Variants in APOC3 observed in about 807,000 individuals in gnomAD.
The protein encoded by APOC3 is apolipoprotein C3.
A neutral mutation model predicts 7.3 loss-of-function variants in APOC3; 6 were observed. That is an observed-to-expected ratio of 0.82 (90% confidence interval 0.45 to 1.61). APOC3 has a LOEUF of 1.61. APOC3 is among the 40% of genes most tolerant of loss of function. The probability of loss-of-function intolerance (pLI) is 0.01; values close to 1 mark genes in which losing one functional copy is unlikely to be tolerated. For missense variants in APOC3, 123 were observed against 124.9 expected (o/e 0.98, Z 0.07); for synonymous variants, 45 against 51.2 (o/e 0.88, Z 0.52).
Position 116,833,027 on chromosome 11 carries a change from C to A in APOC3, c.*143C>A. ...CCCCACCTCATGCCTGGCCCCCCTC[C>A]AGGCATGCTGGCCTCCCAATAAAGC... On this transcript the variant is annotated 3_prime_UTR_variant, in exon 4 of 4. Coordinates refer to ENST00000227667, the MANE Select transcript of APOC3 (RefSeq NM_000040.3). The A allele has an allele frequency of 8.4e-7, 1 of 1,188,378 alleles. No individual in the cohort carries two copies. Among genetic ancestry groups the A allele is most frequent in the Non-Finnish European group, 1.2e-6 (1 of 819,390 alleles). 73.6% of individuals were successfully genotyped at this position (1,188,378 alleles called of 1,614,324 possible). A position where few individuals can be genotyped will look rare whatever the true frequency, so the allele number is the denominator to read the frequency against.
intron 2 of APOC3, 65 bp downstream of exon 2, chr11:116,830,702 G>C (rs1565336134): frequency 1.2e-6 from 2 of 1,613,070 alleles, no homozygotes; most frequent in Non-Finnish European, 8.5e-7. Context: ...CAGTCCCAAT[G>C]GGTGGTCAAG....
chr11:116,832,697 T>C (rs1941475172), intron 3 of APOC3, 67 bp from the exon 4 acceptor site: 1 of 1,609,516 alleles, frequency 6.2e-7, no homozygotes, highest in South Asian at 1.1e-5. Flanking sequence ...GACATGGGTG[T>C]GGGTCCCATG....
chr11:116,831,851 T>C (rs1437583448), intron 3 of APOC3, among the ~76,000 whole-genome samples: 1 of 152,172 alleles, frequency 6.6e-6, no homozygotes, highest in Non-Finnish European at 1.5e-5. Context: ...CCCTGGCATG[T>C]GCAGTTCACA....
rs1941434777 is a variant in APOC3, at chr11:116,830,590, C to T, written c.8C>T (p.Pro3Leu). 1 of 1,614,004 alleles carries T rather than the reference C, an allele frequency of 6.2e-7. No homozygotes were observed. Among genetic ancestry groups the T allele is most frequent in the African/African-American group, 1.3e-5 (1 of 75,042 alleles). MQ[P>L]RVLLVVALLA... The stretch of plus-strand genomic sequence containing the variant: ...TGCAGGAACAGAGGTGCCATGCAGC[C>T]CCGGGTACTCCTTGTTGTTGCCCTC... Residue 3 changes from proline (P) to leucine (L), a missense_variant, in exon 2 of 4, where the codon CCC becomes CTC. Transcript: ENST00000227667.
At chr11:116,831,258 C>T (rs867901170) in intron 3 of APOC3, among the ~76,000 whole-genome samples, 715 of 48,722 alleles carry the variant, frequency 0.015, 27 homozygotes, top group African/African-American at 0.05. Context: ...TCTTTCTTTC[C>T]TTTCTTTCTT....
At position 116,833,026 on chromosome 11, in the gene APOC3, C is replaced by T; in HGVS notation, c.*142C>T. The T allele has an allele frequency of 8.4e-7, 1 of 1,196,482 alleles. No homozygotes were observed. The highest frequency in any genetic ancestry group is 1.5e-5 in the African/African-American group (1 of 66,484). The allele number at this position is 1,196,482 out of a possible 1,614,324, so 74.1% of individuals were successfully genotyped here. On this transcript the variant is annotated 3_prime_UTR_variant, in exon 4 of 4. Coordinates refer to ENST00000227667, the MANE Select transcript of APOC3 (RefSeq NM_000040.3). ...ACCCCACCTCATGCCTGGCCCCCCT[C>T]CAGGCATGCTGGCCTCCCAATAAAG...
chr11:116,831,232 TCTTTCTTTCTTTCTTTCTTTCTTTC>T (rs1243930461), intron 3 of APOC3: 9 of 183,178 alleles, frequency 4.9e-5, no homozygotes, highest in Non-Finnish European at 6.9e-5. Flanking sequence ...TTTCTTTCTT[TCTTTCTTTCTTTCTTTCTTTCTTTC>T]CTTTCTTTCT....
chr11:116,830,932 C>T (rs776223814), intron 3 of APOC3, 36 bp downstream of exon 3: 1 of 1,606,228 alleles, frequency 6.2e-7, no homozygotes. Context: ...TCCCCCCTGC[C>T]AGCTGCCTCC....
rs774177361 is a variant in APOC3 at position 116,829,926 on chromosome 11, A to G, written c.-28A>G. 6.3e-6 allele frequency: 1 copy of G among 159,414 alleles called. No individual in the cohort carries two copies. The highest frequency in any genetic ancestry group is 1.4e-5 in the Non-Finnish European group (1 of 72,216). The allele number at this position is 159,414 out of a possible 1,614,324, so 9.9% of individuals were successfully genotyped here. A position where few individuals can be genotyped will look rare whatever the true frequency, so the allele number is the denominator to read the frequency against. ...GCCTGTCTGCTCAGTTCATCCCTAG[A>G]GGCAGCTGCTCCAGGTAATGCCCTC... On this transcript the variant is annotated 5_prime_UTR_variant, in exon 1 of 4. Transcript: ENST00000227667.
intron 3 of APOC3, among the ~76,000 whole-genome samples, chr11:116,831,803 C>T (rs954455864): frequency 6.6e-6 from 1 of 152,198 alleles, no homozygotes; most frequent in Non-Finnish European, 1.5e-5. Context: ...CTCAGATCAT[C>T]AGGCATTAGA....
At chr11:116,830,722 A>G in intron 2 of APOC3, 51 bp from the exon 3 acceptor site, 1 of 1,613,244 alleles carries the variant, frequency 6.2e-7, no homozygotes. Context: ...GCAGGAGCCC[A>G]GGGCTCGTCC....
Position 116,830,589 on chromosome 11 carries a change from C to T in APOC3, c.7C>T (p.Pro3Ser), listed in dbSNP as rs777982400. 11 of 1,613,994 alleles carry T rather than the reference C, an allele frequency of 6.8e-6. No homozygotes were observed. The South Asian group carries it at 1.2e-4, about 18-fold the overall frequency. Residue 3 changes from proline (P) to serine (S), a missense_variant, in exon 2 of 4, where the codon CCC (proline) becomes TCC (serine). Physicochemically the swap from Pro to Ser is moderately conservative, Grantham distance 74. Transcript: ENST00000227667. ...TTGCAGGAACAGAGGTGCCATGCAG[C>T]CCCGGGTACTCCTTGTTGTTGCCCT... MQ[P>S]RVLLVVALLA...
chr11:116,832,482 AC>A (rs1383098747), intron 3 of APOC3, among the ~76,000 whole-genome samples: 2 of 152,036 alleles, frequency 1.3e-5, no homozygotes, highest in Non-Finnish European at 2.9e-5. Flanking sequence ...ACATCTCCCC[AC>A]CCTGTCACTT....
chr11:116,831,548 A>G (rs1351894186), intron 3 of APOC3, among the ~76,000 whole-genome samples: 3 of 151,716 alleles, frequency 2.0e-5, no homozygotes, highest in Admixed American at 1.3e-4. Flanking sequence ...TATTTTTAGC[A>G]GAGATGGGGT....
At chr11:116,832,120 A>T (rs1000014830) in intron 3 of APOC3, among the ~76,000 whole-genome samples, 9 of 152,130 alleles carry the variant, frequency 5.9e-5, no homozygotes, top group African/African-American at 1.7e-4. Context: ...GTGTGAGCAG[A>T]AGTGTGTCCT....
chr11:116,831,099 G>C (rs1032252634), intron 3 of APOC3: 17 of 669,234 alleles, frequency 2.5e-5, no homozygotes, highest in African/African-American at 2.5e-4. Flanking sequence ...ATTCCTCCCA[G>C]GTCCCTCCTT....
chr11:116,833,043 C>T lies in APOC3; in HGVS notation c.*159C>T. 9.7e-7 allele frequency: 1 copy of T among 1,034,828 alleles called. No individual in the cohort carries two copies. Among genetic ancestry groups the T allele is most frequent in the Non-Finnish European group, 1.5e-6 (1 of 687,382 alleles). The allele number at this position is 1,034,828 out of a possible 1,614,324, so 64.1% of individuals were successfully genotyped here. ...GCCCCCCTCCAGGCATGCTGGCCTC[C>T]CAATAAAGCTGGACAAGAAGCTGCT... On this transcript the variant is annotated 3_prime_UTR_variant, in exon 4 of 4. Transcript: ENST00000227667.
intron 3 of APOC3, among the ~76,000 whole-genome samples, chr11:116,832,382 T>TC (rs971412482): frequency 2.6e-5 from 4 of 152,170 alleles, no homozygotes; most frequent in African/African-American, 9.7e-5. Context: ...AGAGGCTGCC[T>TC]CCCTCTGTCC....
intron 1 of APOC3, 84 bp from the exon 2 acceptor site, chr11:116,830,486 A>G: frequency 6.9e-7 from 1 of 1,452,702 alleles, no homozygotes. Context: ...CTAAGGTTCT[A>G]CCTTAGGGGC....
Sources: gnomAD v4.1 joint callset for allele counts (sites outside exome capture counted in the v4.1 genomes callset) on GRCh38, gnomAD v4.1.1 for gene constraint, MANE v1.5 for transcripts, NCBI Gene and HGNC (gene_info 2026-07-23, HGNC 2026-07-21) for gene names.